STXBP4: variants seen among roughly 807,000 people sequenced by gnomAD.
STXBP4 encodes the protein syntaxin-binding protein 4.
In STXBP4, 55 loss-of-function variants were observed where a neutral mutation model predicts 76.1. The ratio of observed to expected loss-of-function variants is 0.72; its 90% CI spans 0.58 to 0.91. STXBP4 has a LOEUF of 0.91. Among genes scored for constraint, STXBP4 ranks in the 40% least tolerant of loss-of-function variants. The probability of loss-of-function intolerance (pLI) is 0.00; values close to 1 mark genes in which losing one functional copy is unlikely to be tolerated. For missense variants in STXBP4, 618 were observed against 636.9 expected (o/e 0.97, Z 0.32); for synonymous variants, 201 against 220.2 (o/e 0.91, Z 0.77).
the STXBP4 span, among the ~76,000 whole-genome samples, chr17:55,208,539 AAG>A: frequency 3.5e-5 from 5 of 142,988 alleles, no homozygotes; most frequent in Admixed American, 3.5e-4. Flanking sequence ...TGGTGGAAGG[AAG>A]GAAGGAAGGA....
intron 12 of STXBP4, among the ~76,000 whole-genome samples, chr17:55,065,559 A>G (rs1014724245): frequency 3.2e-4 from 49 of 152,154 alleles, no homozygotes; most frequent in African/African-American, 1.1e-3. Context: ...TTATGAAAGG[A>G]AGTTTCCAAT....
intron 8 of STXBP4, among the ~76,000 whole-genome samples, chr17:55,018,402 G>A (rs1393619449): frequency 1.3e-5 from 2 of 152,152 alleles, no homozygotes; most frequent in South Asian, 4.1e-4. Flanking sequence ...CTCAGCTCCA[G>A]CCATAACAAA....
chr17:55,109,899 A>G (rs537518700), intron 16 of STXBP4, among the ~76,000 whole-genome samples: 37 of 152,270 alleles, frequency 2.4e-4, no homozygotes, highest in African/African-American at 8.9e-4. Flanking sequence ...TTGGCCTCTC[A>G]AAGTGCTGGG....
intron 13 of STXBP4, among the ~76,000 whole-genome samples, chr17:55,077,782 G>A (rs1316736792): frequency 6.7e-6 from 1 of 149,564 alleles, no homozygotes; most frequent in Non-Finnish European, 1.5e-5. Flanking sequence ...TCAGCATCTG[G>A]TAAGACACAT....
At chr17:55,025,494 G>T (rs1379886126) in intron 8 of STXBP4, among the ~76,000 whole-genome samples, 7 of 152,010 alleles carry the variant, frequency 4.6e-5, no homozygotes, top group African/African-American at 1.7e-4. Flanking sequence ...CCACATAATA[G>T]TCTTTTTTTA....
chr17:55,092,021 T>C (rs1199038903), intron 16 of STXBP4, among the ~76,000 whole-genome samples: 2 of 152,184 alleles, frequency 1.3e-5, no homozygotes, highest in Non-Finnish European at 2.9e-5. Context: ...ATCAAAAATA[T>C]GGATGTTACC....
chr17:55,125,034 G>C (rs1300576940), intron 16 of STXBP4, among the ~76,000 whole-genome samples: 1 of 152,166 alleles, frequency 6.6e-6, no homozygotes, highest in Non-Finnish European at 1.5e-5. Context: ...CCATATAGCA[G>C]GGGTGAGAGC....
At chr17:55,132,932 G>C (rs911200695) in intron 16 of STXBP4, among the ~76,000 whole-genome samples, 4 of 152,172 alleles carry the variant, frequency 2.6e-5, no homozygotes, top group Non-Finnish European at 4.4e-5. Flanking sequence ...GAACATACTT[G>C]TTATGTTCAA....
In STXBP4 at chr17:55,028,418, G is replaced by A. The variant is rs577091985; in HGVS notation, c.667-2750G>A. Reference sequence around the variant, plus strand: ...TTGATAATTATTAACACTATAGTGTGACAATTTTTGCAAAAAATCCACAAT... The same window carrying A: ...TTGATAATTATTAACACTATAGTGTAACAATTTTTGCAAAAAATCCACAAT... On this transcript the variant is annotated intron_variant, in intron 8 of 17. Coordinates refer to ENST00000376352, the MANE Select transcript of STXBP4 (RefSeq NM_178509.6). Among the ~76,000 whole-genome samples the A allele has an allele frequency of 9.9e-5, 15 of 152,166 alleles. No individual in the cohort carries two copies. The East Asian group carries it at 2.9e-3, about 29-fold the overall frequency.
chr17:55,091,067 C>T (rs1023732571), intron 16 of STXBP4, among the ~76,000 whole-genome samples: 1 of 152,094 alleles, frequency 6.6e-6, no homozygotes, highest in Non-Finnish European at 1.5e-5. Flanking sequence ...AAGCAAGGAG[C>T]GGGAATCCTT....
rs979247307 is a variant in STXBP4, at chr17:55,141,054, C to T, written c.1490-256C>T. Among the ~76,000 whole-genome samples the T allele has an allele frequency of 7.2e-5, 11 of 152,280 alleles. 1 individual carries two copies. Among genetic ancestry groups the T allele is most frequent in the Non-Finnish European group, 1.3e-4 (9 of 68,016 alleles). ...TGAATCCTGCTGACAAAAATGCTCA[C>T]CACATGTAAATGACAAGTCATAATC... On this transcript the variant is annotated intron_variant, in intron 16 of 17. Coordinates refer to ENST00000376352, the MANE Select transcript of STXBP4 (RefSeq NM_178509.6).
At chr17:54,974,834 G>A (rs1285246508) in intron 1 of STXBP4, among the ~76,000 whole-genome samples, 1 of 59,298 alleles carries the variant, frequency 1.7e-5, no homozygotes, top group African/African-American at 1.4e-4. Context: ...CTTAGAGGCA[G>A]TTTTGCAAAC....
downstream of STXBP4, among the ~76,000 whole-genome samples, chr17:55,177,397 T>C (rs1372420656): frequency 6.6e-6 from 1 of 152,056 alleles, no homozygotes; most frequent in Non-Finnish European, 1.5e-5. Context: ...CCTACCTCAC[T>C]AGATTATTGC....
chr17:55,197,616 A>G, the STXBP4 span, among the ~76,000 whole-genome samples: 2 of 152,050 alleles, frequency 1.3e-5, no homozygotes, highest in African/African-American at 2.4e-5. Context: ...GGTGGCATGC[A>G]CCTGTAGTCC....
intron 8 of STXBP4, among the ~76,000 whole-genome samples, chr17:55,021,025 C>G (rs2078301726): frequency 6.6e-6 from 1 of 152,052 alleles, no homozygotes; most frequent in African/African-American, 2.4e-5. Context: ...TAGTTATACA[C>G]TCTGAGGAAA....
chr17:55,000,170 T>C (rs1002478281), intron 6 of STXBP4: 2 of 976,250 alleles, frequency 2.0e-6, no homozygotes, highest in Non-Finnish European at 2.4e-6. Flanking sequence ...GCCATTTCTG[T>C]TCTCTGCTTG....
At chr17:55,188,589 C>G in the STXBP4 span, among the ~76,000 whole-genome samples, 1 of 152,178 alleles carries the variant, frequency 6.6e-6, no homozygotes, top group African/African-American at 2.4e-5. Flanking sequence ...TTAGAGCTGC[C>G]ATTCCATTCT....
chr17:55,092,459 G>A (rs2079427746), intron 16 of STXBP4, among the ~76,000 whole-genome samples: 1 of 152,092 alleles, frequency 6.6e-6, no homozygotes, highest in Admixed American at 6.5e-5. Flanking sequence ...TCATTACTCT[G>A]AAAAATCTTT....
chr17:55,080,642 A>G (rs1292350190), intron 15 of STXBP4, among the ~76,000 whole-genome samples: 1 of 152,140 alleles, frequency 6.6e-6, no homozygotes, highest in Non-Finnish European at 1.5e-5. Context: ...TATTGAATTT[A>G]TATTTAATAT....
Sources: allele counts gnomAD v4.1 joint callset (sites outside exome capture counted in the v4.1 genomes callset), GRCh38; gene constraint gnomAD v4.1.1; transcripts MANE v1.5; gene names NCBI Gene and HGNC (gene_info 2026-07-23, HGNC 2026-07-21).